The following PCDHA8 variants were observed in gnomAD, a reference collection of about 807,000 sequenced individuals.
PCDHA8 encodes the protein protocadherin alpha 8.
Under a neutral mutation model 61.8 loss-of-function variants are expected in PCDHA8, and 53 were observed. The ratio of observed to expected loss-of-function variants is 0.86; its 90% confidence interval spans 0.69 to 1.08. PCDHA8 has a LOEUF of 1.08. PCDHA8 is among the 50% of genes least tolerant of loss of function. The pLI is 0.00. For synonymous variants in PCDHA8, 618 were observed against 556.6 expected (o/e 1.11, Z -1.55); for missense variants, 1,293 against 1,245.0 (o/e 1.04, Z -0.58).
intron 1 of PCDHA8, among the ~76,000 whole-genome samples, chr5:140,950,426 AC>A (rs386419652): frequency 1.3e-5 from 2 of 151,870 alleles, no homozygotes; most frequent in Admixed American, 6.6e-5. Flanking sequence ...ATTTTCTTCC[AC>A]TTAAAAAAAA....
At chr5:140,994,222 C>T (rs2097605581) in intron 3 of PCDHA8, among the ~76,000 whole-genome samples, 1 of 152,168 alleles carries the variant, frequency 6.6e-6, no homozygotes, top group Admixed American at 6.5e-5. Context: ...CAGGGTCTGT[C>T]TATGTTATAA....
chr5:140,876,469 C>T, intron 1 of PCDHA8: 1 of 1,613,956 alleles, frequency 6.2e-7, no homozygotes. Context: ...CATGGCAGGT[C>T]ACAGCATGGT....
intron 1 of PCDHA8, chr5:140,884,317 G>A (rs1401667312): frequency 3.1e-6 from 5 of 1,613,662 alleles, no homozygotes; most frequent in African/African-American, 2.7e-5. Flanking sequence ...CGAGGGCGTC[G>A]GCAGGCGCTG....
chr5:140,990,198 C>T (rs954813003), intron 3 of PCDHA8, among the ~76,000 whole-genome samples: 5 of 151,968 alleles, frequency 3.3e-5, no homozygotes, highest in South Asian at 2.1e-4. Context: ...AATGTGGACC[C>T]GAAAGAGAAC....
At chr5:140,898,383 G>A (rs1416953064) in intron 1 of PCDHA8, among the ~76,000 whole-genome samples, 1 of 152,164 alleles carries the variant, frequency 6.6e-6, no homozygotes, top group South Asian at 2.1e-4. Flanking sequence ...GTAAGGAAGG[G>A]ATCCAGTTTC....
At chr5:140,967,915 T>C in intron 1 of PCDHA8, 1 of 1,614,148 alleles carries the variant, frequency 6.2e-7, no homozygotes, top group Non-Finnish European at 8.5e-7. Context: ...CCAACACCAT[T>C]GTGGCCGTTC....
intron 1 of PCDHA8, chr5:140,850,265 G>A (rs2150476543): frequency 1.3e-6 from 2 of 1,594,610 alleles, no homozygotes; most frequent in Admixed American, 1.7e-5. Context: ...CCGGCGTAGT[G>A]GTGGGGAAGG....
chr5:140,940,983 C>G lies in PCDHA8; in HGVS notation c.2395-37966C>G, dbSNP rs572659107. On this transcript the variant is annotated intron_variant, in intron 1 of 3. Coordinates refer to ENST00000531613, the MANE Select transcript of PCDHA8 (RefSeq NM_018911.3). ...ATGCAGGATATCTGGTATCTAGTTA[C>G]AAGTTTATAGGATTAAATTTTCCTT... 3.9e-5 allele frequency among the ~76,000 whole-genome samples: 6 copies of G among 152,294 alleles called. No homozygotes were observed. In the South Asian group the frequency reaches 1.0e-3, roughly 26 times the overall value.
At chr5:140,994,704 C>CA (rs1294993555) in intron 3 of PCDHA8, among the ~76,000 whole-genome samples, 3 of 150,616 alleles carry the variant, frequency 2.0e-5, no homozygotes, top group African/African-American at 4.9e-5. Flanking sequence ...GACCCTGTCT[C>CA]AAAAAAAAAT....
intron 1 of PCDHA8, chr5:140,967,890 C>G: frequency 6.2e-7 from 1 of 1,614,176 alleles, no homozygotes; most frequent in Non-Finnish European, 8.5e-7. Context: ...AGCCCAGTGC[C>G]TGAGAATGCT....
At chr5:140,875,835 G>A in intron 1 of PCDHA8, 1 of 1,614,196 alleles carries the variant, frequency 6.2e-7, no homozygotes, top group East Asian at 2.2e-5. Context: ...ATGTGGACGT[G>A]GAGGTGAAGG....
chr5:140,858,397 C>A, intron 1 of PCDHA8: 1 of 1,573,182 alleles, frequency 6.4e-7, no homozygotes, highest in Non-Finnish European at 8.7e-7. Flanking sequence ...TAGATGTGGA[C>A]GGGGAAGATC....
intron 1 of PCDHA8, chr5:140,927,200 A>C (rs2083965383): frequency 6.2e-7 from 1 of 1,613,898 alleles, no homozygotes; most frequent in Non-Finnish European, 8.5e-7. Context: ...GTGCTCGAGG[A>C]CCCGCTGGAG....
In PCDHA8 at chr5:141,010,369, G is replaced by A. The variant is rs963959073; in HGVS notation, c.*432G>A. The A allele has an allele frequency of 1.8e-4, 270 of 1,474,338 alleles. No homozygotes were observed. The highest frequency in any genetic ancestry group is 7.1e-5 in the Non-Finnish European group (79 of 1,109,414). 91.3% of individuals were successfully genotyped at this position (1,474,338 alleles called of 1,614,324 possible). On this transcript the variant is annotated 3_prime_UTR_variant, in exon 4 of 4. Transcript: ENST00000531613. ...GTATGTGTGGCTACCGCGGGTATGCGAGTGCCAGATATTGGCTGAGACGAG... is the reference window on the plus strand; with the variant it reads ...GTATGTGTGGCTACCGCGGGTATGCAAGTGCCAGATATTGGCTGAGACGAG...
At chr5:140,975,313 T>C (rs2096662091) in intron 1 of PCDHA8, among the ~76,000 whole-genome samples, 1 of 152,224 alleles carries the variant, frequency 6.6e-6, no homozygotes, top group African/African-American at 2.4e-5. Flanking sequence ...TGTGATTATG[T>C]CAGTCCCATC....
In PCDHA8 at chr5:140,927,795, G is replaced by T; in HGVS notation, c.2395-51154G>T. ...TGCAAGTAGCTGCTTCACTAGGTCC[G>T]CCTGAAACGCTCTTGGAGGCATACA... On this transcript the variant is annotated intron_variant, in intron 1 of 3. Transcript: ENST00000531613. The T allele has an allele frequency of 1.9e-6, 3 of 1,614,144 alleles. 1 individual carries two copies. The highest frequency in any genetic ancestry group is 2.2e-5 in the South Asian group (2 of 91,080).
chr5:140,890,173 C>T (rs1188650558), intron 1 of PCDHA8, among the ~76,000 whole-genome samples: 4 of 152,114 alleles, frequency 2.6e-5, no homozygotes, highest in African/African-American at 7.2e-5. Context: ...CAGAAATAGG[C>T]AAATGCTACA....
At chr5:140,985,847 C>T (rs1178290779) in intron 3 of PCDHA8, among the ~76,000 whole-genome samples, 4 of 150,300 alleles carry the variant, frequency 2.7e-5, no homozygotes, top group African/African-American at 7.3e-5. Context: ...TCATGCCACT[C>T]TCCTGCCTCA....
At chr5:140,997,374 A>G (rs1296402204) in intron 3 of PCDHA8, among the ~76,000 whole-genome samples, 1 of 152,212 alleles carries the variant, frequency 6.6e-6, no homozygotes, top group Non-Finnish European at 1.5e-5. Flanking sequence ...TAGATGATAT[A>G]GCATACTACA....
Sources: gnomAD v4.1 joint callset for allele counts (sites outside exome capture counted in the v4.1 genomes callset) on GRCh38, gnomAD v4.1.1 for gene constraint, MANE v1.5 for transcripts, NCBI Gene and HGNC (gene_info 2026-07-23, HGNC 2026-07-21) for gene names.